CDC42BPA: variants seen among roughly 807,000 people sequenced by gnomAD.
CDC42BPA encodes the protein serine/threonine-protein kinase MRCK alpha.
Under a neutral mutation model 223.5 loss-of-function variants are expected in CDC42BPA, and 80 were observed. The observed-to-expected ratio is 0.36, with a 90% CI of 0.30 to 0.43. The LOEUF (loss-of-function observed/expected upper bound fraction) is 0.43, where lower values mean the gene tolerates loss of function less well. CDC42BPA is among the 20% of genes least tolerant of loss of function. The pLI is 1.00. For synonymous variants in CDC42BPA, 694 were observed against 718.6 expected, an observed-to-expected ratio of 0.97 and a Z score of 0.55; for missense variants, 1,743 against 2,099.9, an observed-to-expected ratio of 0.83 and a Z score of 3.32.
intron 1 of CDC42BPA, among the ~76,000 whole-genome samples, chr1:227,260,685 A>C (rs1683887498): frequency 6.6e-6 from 1 of 151,184 alleles, no homozygotes. Context: ...GTGCTGGAGC[A>C]AGAAATTTTA....
chr1:227,031,165 A>G (rs1385194074), intron 28 of CDC42BPA, 133 bp downstream of exon 28: 8 of 675,188 alleles, frequency 1.2e-5, no homozygotes, highest in Admixed American at 2.6e-5. Flanking sequence ...CATTCAGTAA[A>G]CATGTACTGA....
At chr1:227,252,179 CA>C (rs1682131827) in intron 2 of CDC42BPA, among the ~76,000 whole-genome samples, 1 of 151,558 alleles carries the variant, frequency 6.6e-6, no homozygotes, top group Non-Finnish European at 1.5e-5. Context: ...ATTAAAGAAC[CA>C]GAAAACAAAT....
At chr1:227,208,997 G>A (rs1469205357) in intron 3 of CDC42BPA, among the ~76,000 whole-genome samples, 4 of 151,818 alleles carry the variant, frequency 2.6e-5, no homozygotes, top group African/African-American at 9.7e-5. Flanking sequence ...AGCATGGAAT[G>A]TTCTTCCATT....
At chr1:227,048,742 C>A (rs1389440723) in intron 22 of CDC42BPA, among the ~76,000 whole-genome samples, 2 of 72,336 alleles carry the variant, frequency 2.8e-5, no homozygotes, top group Admixed American at 2.1e-4. Flanking sequence ...GCTTAATCAG[C>A]AAAGTAGTGA....
chr1:227,032,397 C>A (rs552768215), intron 27 of CDC42BPA, among the ~76,000 whole-genome samples: 1 of 151,818 alleles, frequency 6.6e-6, no homozygotes, highest in South Asian at 2.1e-4. Context: ...ATACAAGATT[C>A]ATAGACAAAT....
chr1:227,096,234 A>G (rs1347085282), intron 15 of CDC42BPA, among the ~76,000 whole-genome samples: 2 of 152,224 alleles, frequency 1.3e-5, no homozygotes, highest in Non-Finnish European at 2.9e-5. Context: ...CTTTCCTAAC[A>G]CAGAAGCAAC....
At chr1:227,244,040 T>C (rs1335821626) in intron 2 of CDC42BPA, among the ~76,000 whole-genome samples, 1 of 151,666 alleles carries the variant, frequency 6.6e-6, no homozygotes, top group Non-Finnish European at 1.5e-5. Flanking sequence ...AGACCCATGT[T>C]AGCGAGGTTA....
chr1:227,191,186 G>A (rs999260922), intron 5 of CDC42BPA, among the ~76,000 whole-genome samples: 1 of 151,714 alleles, frequency 6.6e-6, no homozygotes, highest in Non-Finnish European at 1.5e-5. Context: ...TCTACTAAAA[G>A]CACAAAAAAT....
intron 5 of CDC42BPA, among the ~76,000 whole-genome samples, chr1:227,162,861 AAT>A (rs36169493): frequency 4.5e-5 from 1 of 22,338 alleles, no homozygotes; most frequent in African/African-American, 2.1e-4. Flanking sequence ...AAATAAAATA[AAT>A]ATATATGTGT....
At chr1:227,257,139 T>G in intron 1 of CDC42BPA, among the ~76,000 whole-genome samples, 1 of 151,976 alleles carries the variant, frequency 6.6e-6, no homozygotes, top group Non-Finnish European at 1.5e-5. Flanking sequence ...ATAGGCAAAT[T>G]CATAGAGACA....
intron 1 of CDC42BPA, among the ~76,000 whole-genome samples, chr1:227,286,855 T>C (rs59121440): frequency 0.15 from 22,816 of 152,140 alleles, 2,084 homozygotes; most frequent in African/African-American, 0.24. Context: ...AATTGCGGTT[T>C]TAGATGGAGA....
intron 34 of CDC42BPA, among the ~76,000 whole-genome samples, chr1:227,015,250 C>T (rs938773327): frequency 6.6e-6 from 1 of 151,900 alleles, no homozygotes; most frequent in Non-Finnish European, 1.5e-5. Context: ...ATGGTGAAAC[C>T]CCATCTCTAC....
At chr1:227,016,865 A>G in intron 33 of CDC42BPA, 62 bp downstream of exon 33, 2 of 1,457,516 alleles carry the variant, frequency 1.4e-6, no homozygotes, top group Admixed American at 2.5e-5. Context: ...ATATAGTATC[A>G]TCACCGAGTA....
intron 4 of CDC42BPA, 40 bp from the exon 5 acceptor site, chr1:227,193,974 A>C: frequency 1.1e-6 from 1 of 946,634 alleles, no homozygotes; most frequent in Non-Finnish European, 1.4e-6. Context: ...GTAAACTAAT[A>C]AGGGTGAAAA....
At chr1:227,247,693 T>C (rs1472368509) in intron 2 of CDC42BPA, among the ~76,000 whole-genome samples, 1 of 152,072 alleles carries the variant, frequency 6.6e-6, no homozygotes, top group Non-Finnish European at 1.5e-5. Context: ...GAGACCAGCC[T>C]GGCCAACACT....
chr1:227,102,149 G>A (rs1455189085), intron 14 of CDC42BPA, among the ~76,000 whole-genome samples: 4 of 152,086 alleles, frequency 2.6e-5, no homozygotes, highest in Non-Finnish European at 5.9e-5. Context: ...AGTCATAAGG[G>A]CAATAAAAAC....
intron 1 of CDC42BPA, among the ~76,000 whole-genome samples, chr1:227,280,425 C>A (rs980266670): frequency 6.6e-6 from 1 of 152,110 alleles, no homozygotes; most frequent in Non-Finnish European, 1.5e-5. Flanking sequence ...GAGAAATATG[C>A]CTTTATTTTA....
intron 34 of CDC42BPA, among the ~76,000 whole-genome samples, chr1:227,006,802 TG>T (rs1342061930): frequency 6.6e-6 from 1 of 152,148 alleles, no homozygotes; most frequent in African/African-American, 2.4e-5. Flanking sequence ...CTGGGTTTGG[TG>T]GCACATGCCT....
intron 25 of CDC42BPA, 121 bp downstream of exon 25, chr1:227,035,350 T>C (rs1360880295): frequency 2.9e-6 from 2 of 701,274 alleles, no homozygotes; most frequent in Non-Finnish European, 4.6e-6. Flanking sequence ...ATAAAATTAT[T>C]AGATGAATTT....
Sources: allele counts gnomAD v4.1 joint callset (sites outside exome capture counted in the v4.1 genomes callset), GRCh38; gene constraint gnomAD v4.1.1; transcripts MANE v1.5; gene names NCBI Gene and HGNC (gene_info 2026-07-23, HGNC 2026-07-21).